ROBO2: variants seen among roughly 807,000 people sequenced by gnomAD.
ROBO2 encodes the protein roundabout homolog 2.
A neutral mutation model predicts 160.8 loss-of-function variants in ROBO2; 53 were observed. The observed-to-expected ratio is 0.33, with a 90% confidence interval of 0.26 to 0.41. ROBO2 has a LOEUF of 0.41. Ranked by LOEUF, ROBO2 falls within the 10% of genes least tolerant of loss-of-function variation. The probability of loss-of-function intolerance (pLI) is 1.00; values close to 1 mark genes in which losing one functional copy is unlikely to be tolerated. For synonymous variants in ROBO2, 664 were observed against 611.7 expected (o/e 1.09, Z -1.26); for missense variants, 1,577 against 1,722.4 (o/e 0.92, Z 1.49).
intron 2 of ROBO2, among the ~76,000 whole-genome samples, chr3:76,976,276 T>C (rs1205666895): frequency 1.3e-5 from 2 of 152,190 alleles, no homozygotes; most frequent in Non-Finnish European, 2.9e-5. Flanking sequence ...TACATTGTTT[T>C]GGACACAATA....
chr3:75,978,823 A>T (rs1446496816), intron 2 of ROBO2, among the ~76,000 whole-genome samples: 2 of 151,556 alleles, frequency 1.3e-5, no homozygotes, highest in African/African-American at 4.8e-5. Context: ...ATGACATCTT[A>T]TTGGCAAGCT....
chr3:77,597,135 G>A (rs2094323540), intron 19 of ROBO2, among the ~76,000 whole-genome samples: 1 of 151,844 alleles, frequency 6.6e-6, no homozygotes. Flanking sequence ...AGCATCTCCT[G>A]TGTACTTGGC....
intron 2 of ROBO2, among the ~76,000 whole-genome samples, chr3:76,910,142 CCACT>C (rs2075876293): frequency 1.3e-5 from 2 of 152,060 alleles, no homozygotes. Context: ...CTCATTTTAG[CCACT>C]CATTGGTCTT....
chr3:77,570,647 T>C (rs547587540), intron 13 of ROBO2, among the ~76,000 whole-genome samples: 48 of 152,042 alleles, frequency 3.2e-4, no homozygotes, highest in Non-Finnish European at 5.3e-4. Context: ...ATAAATTAAG[T>C]GAAATAAAGT....
intron 4 of ROBO2, among the ~76,000 whole-genome samples, chr3:77,490,400 T>A (rs1459347094): frequency 6.6e-6 from 1 of 152,198 alleles, no homozygotes; most frequent in African/African-American, 2.4e-5. Flanking sequence ...TGTATTTTAC[T>A]TTTAAGAGAA....
chr3:77,614,102 G>T (rs1222338112), intron 21 of ROBO2, among the ~76,000 whole-genome samples: 1 of 152,190 alleles, frequency 6.6e-6, no homozygotes, highest in African/African-American at 2.4e-5. Flanking sequence ...GTAGATTGCG[G>T]CTTAGACATA....
At chr3:76,861,681 C>G (rs2070795128) in intron 2 of ROBO2, among the ~76,000 whole-genome samples, 1 of 152,138 alleles carries the variant, frequency 6.6e-6, no homozygotes, top group South Asian at 2.1e-4. Context: ...TACTGAACAA[C>G]TCTTCTTTGA....
chr3:76,625,053 C>T (rs775423464), intron 2 of ROBO2, among the ~76,000 whole-genome samples: 1 of 151,962 alleles, frequency 6.6e-6, no homozygotes, highest in Non-Finnish European at 1.5e-5. Flanking sequence ...TGCAGTTGCC[C>T]TAATCCATCT....
At chr3:76,426,688 C>G (rs922046204) in intron 2 of ROBO2, among the ~76,000 whole-genome samples, 2 of 151,890 alleles carry the variant, frequency 1.3e-5, no homozygotes, top group Non-Finnish European at 2.9e-5. Context: ...GCTTTTCTTT[C>G]TTTTACAATA....
At chr3:76,798,582 A>T (rs777917409) in intron 2 of ROBO2, among the ~76,000 whole-genome samples, 5 of 152,180 alleles carry the variant, frequency 3.3e-5, no homozygotes, top group Non-Finnish European at 7.4e-5. Flanking sequence ...TTGCTTCATG[A>T]TAAAAGCCCT....
intron 2 of ROBO2, among the ~76,000 whole-genome samples, chr3:76,805,380 C>T (rs566088449): frequency 1.1e-4 from 16 of 151,904 alleles, no homozygotes; most frequent in Non-Finnish European, 2.2e-4. Flanking sequence ...TTCTTTCTAT[C>T]ATTTTGAATA....
At chr3:76,393,021 A>C (rs894290146) in intron 2 of ROBO2, among the ~76,000 whole-genome samples, 19 of 151,998 alleles carry the variant, frequency 1.3e-4, no homozygotes, top group African/African-American at 4.6e-4. Flanking sequence ...GTATTATGAA[A>C]CTCCCCCTTG....
intron 2 of ROBO2, among the ~76,000 whole-genome samples, chr3:76,777,616 C>G (rs992686188): frequency 1.3e-5 from 2 of 150,564 alleles, no homozygotes; most frequent in Non-Finnish European, 3.0e-5. Flanking sequence ...ATTTGTCCTA[C>G]ATTGTTAGTG....
intron 2 of ROBO2, among the ~76,000 whole-genome samples, chr3:76,378,335 G>T (rs759973554): frequency 1.7e-4 from 26 of 152,086 alleles, no homozygotes; most frequent in African/African-American, 4.8e-4. Context: ...GATGTACAAG[G>T]TATAGTAATA....
intron 2 of ROBO2, among the ~76,000 whole-genome samples, chr3:76,509,341 G>C (rs568713828): frequency 6.6e-6 from 1 of 152,216 alleles, no homozygotes; most frequent in East Asian, 1.9e-4. Context: ...AGCAGAGCCA[G>C]AGAGAGAGAA....
At chr3:76,984,738 G>C (rs566790488) in intron 2 of ROBO2, among the ~76,000 whole-genome samples, 1 of 152,002 alleles carries the variant, frequency 6.6e-6, no homozygotes, top group Admixed American at 6.6e-5. Context: ...GAATCAAACA[G>C]TATTAGAAAA....
intron 2 of ROBO2, among the ~76,000 whole-genome samples, chr3:76,274,566 C>A: frequency 6.6e-6 from 1 of 151,938 alleles, no homozygotes; most frequent in East Asian, 1.9e-4. Flanking sequence ...GGGCCGGGCA[C>A]GGTGGATCAC....
intron 2 of ROBO2, among the ~76,000 whole-genome samples, chr3:76,703,459 G>A (rs1411848546): frequency 2.0e-5 from 3 of 152,024 alleles, no homozygotes; most frequent in Admixed American, 1.3e-4. Flanking sequence ...GTGGTTTGCT[G>A]CACCCATCAA....
In ROBO2 at chr3:77,503,565, T is replaced by A. The variant is rs898739286; in HGVS notation, c.806+10183T>A. 4.2e-4 allele frequency among the ~76,000 whole-genome samples: 61 copies of A among 145,902 alleles called. 1 individual carries two copies. The highest frequency in any genetic ancestry group is 1.2e-3 in the African/African-American group (47 of 39,452). On this transcript the variant is annotated intron_variant, in intron 5 of 25. Transcript: ENST00000461745. ...TAAATAAATAAATAAATAAATAAAA[T>A]AATAATAAGGCTATTTGGAGGAAAA...
Sources: gnomAD v4.1 joint callset for allele counts (sites outside exome capture counted in the v4.1 genomes callset) on GRCh38, gnomAD v4.1.1 for gene constraint, MANE v1.5 for transcripts, NCBI Gene and HGNC (gene_info 2026-07-23, HGNC 2026-07-21) for gene names.